UBR1: variants seen among roughly 807,000 people sequenced by gnomAD.
The protein encoded by UBR1 is ubiquitin protein ligase E3 component n-recognin 1, also known as E3 ubiquitin-protein ligase UBR1.
In UBR1, 102 loss-of-function variants were observed where a neutral mutation model predicts 242.1. The ratio of observed to expected loss-of-function variants is 0.42; its 90% CI spans 0.36 to 0.50. UBR1 has a LOEUF of 0.50. Among genes scored for constraint, UBR1 ranks in the 20% least tolerant of loss-of-function variants. The pLI, the probability that UBR1 is intolerant of heterozygous loss-of-function variation, is 0.01. For missense variants in UBR1, 1,772 were observed against 2,101.8 expected, an observed-to-expected ratio of 0.84 and a Z score of 3.07; for synonymous variants, 675 against 684.8, an observed-to-expected ratio of 0.99 and a Z score of 0.22.
intron 46 of UBR1, among the ~76,000 whole-genome samples, chr15:42,947,840 G>A (rs1412151436): frequency 5.3e-5 from 8 of 152,162 alleles, no homozygotes; most frequent in African/African-American, 1.7e-4. Flanking sequence ...AATCAGTATC[G>A]TGAAAATGGC....
chr15:42,991,578 G>T (rs2032558387), intron 33 of UBR1, among the ~76,000 whole-genome samples: 1 of 150,960 alleles, frequency 6.6e-6, no homozygotes, highest in African/African-American at 2.4e-5. Context: ...CTTCCTTTTG[G>T]GACTTCAATG....
chr15:43,050,812 A>G (rs1418085931), intron 12 of UBR1, among the ~76,000 whole-genome samples: 1 of 152,156 alleles, frequency 6.6e-6, no homozygotes, highest in East Asian at 1.9e-4. Context: ...GCTGCCAACA[A>G]TTACATGAAA....
intron 1 of UBR1, among the ~76,000 whole-genome samples, chr15:43,099,617 C>T (rs962735812): frequency 1.3e-5 from 2 of 152,142 alleles, no homozygotes; most frequent in Non-Finnish European, 2.9e-5. Flanking sequence ...ACATTCTCAG[C>T]TTCTATTACC....
intron 40 of UBR1, 123 bp downstream of exon 40, chr15:42,970,397 A>C: frequency 9.6e-7 from 1 of 1,038,834 alleles, no homozygotes; most frequent in Non-Finnish European, 1.5e-6. Flanking sequence ...ACCCTACAAG[A>C]AAACCTAGGC....
rs192905801 is a variant in UBR1 at position 43,093,704 on chromosome 15, T to C, written c.82-7464A>G. Reference sequence around the variant, plus strand: ...TGGGTACCTGAGTGGGAGGATCACCTGAGCCCAGGAGGTTGAGGCTGCAGC... The same window carrying C: ...TGGGTACCTGAGTGGGAGGATCACCCGAGCCCAGGAGGTTGAGGCTGCAGC... On this transcript the variant is annotated intron_variant, in intron 1 of 46. Transcript: ENST00000290650. Among the ~76,000 whole-genome samples, 362 of 148,990 alleles carry C rather than the reference T, an allele frequency of 2.4e-3. 3 individuals are homozygous for C. The highest frequency in any genetic ancestry group is 1.3e-3 in the South Asian group (6 of 4,752).
At chr15:42,996,807 A>C (rs554497522) in intron 33 of UBR1, among the ~76,000 whole-genome samples, 6 of 152,350 alleles carry the variant, frequency 3.9e-5, no homozygotes, top group South Asian at 4.1e-4. Context: ...GAAAGATATG[A>C]ATTGTAGAAA....
chr15:43,025,496 A>AGT (rs2033167130), intron 23 of UBR1, 67 bp from the exon 24 acceptor site: 1 of 1,236,464 alleles, frequency 8.1e-7, no homozygotes, highest in African/African-American at 1.5e-5. Context: ...ACATTAAAGC[A>AGT]GTCAGGAAAG....
chr15:42,951,561 A>G (rs1302014524), intron 45 of UBR1, among the ~76,000 whole-genome samples: 1 of 152,204 alleles, frequency 6.6e-6, no homozygotes, highest in East Asian at 1.9e-4. Context: ...TTTTGCTGAA[A>G]GACCAGGAGA....
chr15:43,070,138 CAA>C (rs1202922285), intron 5 of UBR1, among the ~76,000 whole-genome samples: 1 of 147,926 alleles, frequency 6.8e-6, no homozygotes, highest in African/African-American at 2.5e-5. Context: ...TCACACAACT[CAA>C]AGTTATCTTC....
rs2033985077 is a variant in UBR1, at chr15:43,082,530, T to G, written c.417+108A>C. 16 of 843,486 alleles carry G rather than the reference T, an allele frequency of 1.9e-5. No individual in the cohort carries two copies. The South Asian group carries it at 2.3e-4, about 12-fold the overall frequency. 52.3% of individuals were successfully genotyped at this position (843,486 alleles called of 1,614,324 possible). ...CAATCTTTTCTTTAAAATGGCTATG[T>G]TCACATATCAGAGCTGTTATAGCAG... On this transcript the variant is annotated intron_variant, in intron 3 of 46. Coordinates refer to ENST00000290650, the MANE Select transcript of UBR1 (RefSeq NM_174916.3).
chr15:43,100,236 A>G lies in UBR1; in HGVS notation c.81+5706T>C, dbSNP rs113823797. On this transcript the variant is annotated intron_variant, in intron 1 of 46. Transcript: ENST00000290650. ...ACTTGATGTGCCCCCATGTACTCAA[A>G]TTCTAAAATGCCCCTTTCTGACCAC... Among the ~76,000 whole-genome samples, 908 of 152,230 alleles carry G rather than the reference A, an allele frequency of 6.0e-3. 10 individuals carry two copies. The highest frequency in any genetic ancestry group is 0.021 in the African/African-American group (857 of 41,532).
intron 17 of UBR1, among the ~76,000 whole-genome samples, chr15:43,037,349 CAAA>C (rs1282652005): frequency 2.9e-5 from 2 of 68,012 alleles, no homozygotes; most frequent in African/African-American, 5.5e-5. Context: ...GACTCTGTCT[CAAA>C]AAAAAAAAAA....
At chr15:43,013,545 A>C (rs1272395362) in intron 29 of UBR1, among the ~76,000 whole-genome samples, 1 of 152,236 alleles carries the variant, frequency 6.6e-6, no homozygotes, top group African/African-American at 2.4e-5. Flanking sequence ...ATAATGTAAT[A>C]ACTGCAGTCA....
At chr15:43,060,220 G>A (rs1395229335) in intron 6 of UBR1, 106 bp from the exon 7 acceptor site, 18 of 1,055,218 alleles carry the variant, frequency 1.7e-5, no homozygotes, top group South Asian at 2.5e-5. Context: ...CTCTAATCGC[G>A]TGTTGACTAA....
At chr15:43,076,359 G>A (rs2033892925) in intron 3 of UBR1, among the ~76,000 whole-genome samples, 1 of 152,140 alleles carries the variant, frequency 6.6e-6, no homozygotes, top group South Asian at 2.1e-4. Flanking sequence ...GCCTGCCTTG[G>A]CCTCCCAAAG....
chr15:43,087,182 G>A (rs1391963150), intron 1 of UBR1, among the ~76,000 whole-genome samples: 3 of 152,262 alleles, frequency 2.0e-5, no homozygotes, highest in Non-Finnish European at 1.5e-5. Context: ...GAGGTGGGTG[G>A]ATCACGAGGT....
chr15:43,046,121 T>C (rs1177125509), intron 14 of UBR1, among the ~76,000 whole-genome samples: 1 of 152,148 alleles, frequency 6.6e-6, no homozygotes, highest in East Asian at 1.9e-4. Flanking sequence ...CTTCAGAAGG[T>C]TTGGAAGAAG....
intron 22 of UBR1, among the ~76,000 whole-genome samples, chr15:43,027,211 T>C (rs1285270290): frequency 1.3e-5 from 2 of 152,132 alleles, no homozygotes; most frequent in South Asian, 2.1e-4. Flanking sequence ...AAGTCGAATA[T>C]TTCAATGAAC....
At chr15:42,999,715 C>A (rs1315070769) in intron 32 of UBR1, among the ~76,000 whole-genome samples, 1 of 151,792 alleles carries the variant, frequency 6.6e-6, no homozygotes, top group African/African-American at 2.4e-5. Flanking sequence ...GTGGTCCCAG[C>A]TACTTGGGAG....
Sources: allele counts gnomAD v4.1 joint callset (sites outside exome capture counted in the v4.1 genomes callset), GRCh38; gene constraint gnomAD v4.1.1; transcripts MANE v1.5; gene names NCBI Gene and HGNC (gene_info 2026-07-23, HGNC 2026-07-21).